The following PELI2 variants were observed in gnomAD, a reference collection of about 807,000 sequenced individuals.
The protein encoded by PELI2 is E3 ubiquitin-protein ligase pellino homolog 2.
Under a neutral mutation model 42.3 loss-of-function variants are expected in PELI2, and 23 were observed. The observed-to-expected ratio is 0.54, with a 90% CI of 0.39 to 0.77. The LOEUF is 0.77. Among genes scored for constraint, PELI2 ranks in the 30% least tolerant of loss-of-function variants. The probability of loss-of-function intolerance (pLI) is 0.00; values close to 1 mark genes in which losing one functional copy is unlikely to be tolerated. For synonymous variants in PELI2, 245 were observed against 212.2 expected (o/e 1.15, Z -1.34); for missense variants, 463 against 553.2 (o/e 0.84, Z 1.64).
At chr14:56,275,838 C>A (rs1889274107) in intron 2 of PELI2, among the ~76,000 whole-genome samples, 1 of 152,126 alleles carries the variant, frequency 6.6e-6, no homozygotes, top group African/African-American at 2.4e-5. Flanking sequence ...TGTTAAAGAG[C>A]TTTCTAAATT....
chr14:56,278,991 A>G (rs1486457173), intron 2 of PELI2, among the ~76,000 whole-genome samples: 5 of 152,194 alleles, frequency 3.3e-5, no homozygotes, highest in African/African-American at 7.2e-5. Flanking sequence ...TATGGACAAA[A>G]TAAGAATGAT....
chr14:56,169,995 G>C (rs1299621394), intron 1 of PELI2, among the ~76,000 whole-genome samples: 3 of 152,170 alleles, frequency 2.0e-5, no homozygotes, highest in Non-Finnish European at 4.4e-5. Context: ...AGTGAGTTAG[G>C]GTGAGCTACC....
chr14:56,233,376 A>C (rs1402849636), intron 2 of PELI2, among the ~76,000 whole-genome samples: 1 of 152,222 alleles, frequency 6.6e-6, no homozygotes, highest in Non-Finnish European at 1.5e-5. Context: ...TACAGTAACC[A>C]AAACAGCTTG....
chr14:56,176,444 G>A (rs1371411914), intron 1 of PELI2, among the ~76,000 whole-genome samples: 3 of 152,174 alleles, frequency 2.0e-5, no homozygotes, highest in Non-Finnish European at 4.4e-5. Flanking sequence ...GCGGTGGGTT[G>A]AGCGGGAGAA....
chr14:56,157,732 C>T (rs1391516611), intron 1 of PELI2, among the ~76,000 whole-genome samples: 1 of 152,148 alleles, frequency 6.6e-6, no homozygotes, highest in Non-Finnish European at 1.5e-5. Context: ...TTGAAAAATT[C>T]TCTAAGCATA....
At chr14:56,245,892 A>G (rs145473226) in intron 2 of PELI2, among the ~76,000 whole-genome samples, 8 of 152,332 alleles carry the variant, frequency 5.3e-5, no homozygotes, top group African/African-American at 1.9e-4. Context: ...ATGTATTAAT[A>G]CATATATTAT....
At chr14:56,277,754 A>C (rs1255142545) in intron 2 of PELI2, among the ~76,000 whole-genome samples, 1 of 152,026 alleles carries the variant, frequency 6.6e-6, no homozygotes, top group African/African-American at 2.4e-5. Context: ...AAATACTTAA[A>C]TGTTAAAATA....
intron 1 of PELI2, among the ~76,000 whole-genome samples, chr14:56,125,917 A>G (rs184856229): frequency 2.7e-4 from 41 of 152,246 alleles, no homozygotes; most frequent in African/African-American, 8.2e-4. Context: ...TTGCCACCCC[A>G]CATGGAGATG....
At chr14:56,262,610 G>A (rs1888749737) in intron 2 of PELI2, among the ~76,000 whole-genome samples, 1 of 152,142 alleles carries the variant, frequency 6.6e-6, no homozygotes, top group South Asian at 2.1e-4. Flanking sequence ...ACAATGTGAA[G>A]TAACATTTAA....
intron 1 of PELI2, among the ~76,000 whole-genome samples, chr14:56,170,279 A>G (rs1488116309): frequency 6.6e-6 from 1 of 152,208 alleles, no homozygotes; most frequent in Non-Finnish European, 1.5e-5. Context: ...CTTCCATTCC[A>G]TGTGGATGTC....
chr14:56,267,832 T>A (rs1888961724), intron 2 of PELI2, among the ~76,000 whole-genome samples: 1 of 152,196 alleles, frequency 6.6e-6, no homozygotes. Context: ...TCACTATAAC[T>A]AATCAATAGG....
At chr14:56,231,197 A>G (rs1177969830) in intron 2 of PELI2, among the ~76,000 whole-genome samples, 3 of 152,226 alleles carry the variant, frequency 2.0e-5, no homozygotes, top group African/African-American at 7.2e-5. Context: ...TAGACAGATC[A>G]ACGAGACAGA....
At chr14:56,206,975 A>T (rs1368716443) in intron 2 of PELI2, among the ~76,000 whole-genome samples, 1 of 152,236 alleles carries the variant, frequency 6.6e-6, no homozygotes, top group African/African-American at 2.4e-5. Context: ...CAAGTTATCA[A>T]ATAAAGGTTC....
At chr14:56,177,619 G>A (rs1256063891) in intron 1 of PELI2, among the ~76,000 whole-genome samples, 1 of 152,108 alleles carries the variant, frequency 6.6e-6, no homozygotes, top group Non-Finnish European at 1.5e-5. Flanking sequence ...TTAAGCACTG[G>A]TATTAGCTAA....
chr14:56,252,586 A>T (rs924667728), intron 2 of PELI2, among the ~76,000 whole-genome samples: 4 of 152,152 alleles, frequency 2.6e-5, no homozygotes, highest in African/African-American at 9.7e-5. Context: ...AAGGAGCAGG[A>T]AGTTTAGTAG....
rs1402927493 is a variant in PELI2, at chr14:56,180,967, T to C, written c.207+2503T>C. 2.6e-5 allele frequency among the ~76,000 whole-genome samples: 4 copies of C among 152,232 alleles called. No individual in the cohort carries two copies. Among genetic ancestry groups the C allele is most frequent in the African/African-American group, 9.6e-5 (4 of 41,460 alleles). On this transcript the variant is annotated intron_variant, in intron 2 of 5. Transcript: ENST00000267460. This position sits in a 1 kb window ranked among gnomAD's most constrained non-coding sequence, Gnocchi z 4.4. ...CTCTTTTGTTATTTTTTCCATCTTA[T>C]GTTTGTGGAACATATTTCAGTGACT...
At chr14:56,194,671 C>G (rs558859921) in intron 2 of PELI2, among the ~76,000 whole-genome samples, 2 of 152,194 alleles carry the variant, frequency 1.3e-5, no homozygotes, top group Non-Finnish European at 2.9e-5. Flanking sequence ...CCCTTCACCC[C>G]GCTGAAAAGC....
In PELI2 at chr14:56,118,553, G is replaced by C. The variant is rs1373997523; in HGVS notation, c.-108G>C. The C allele has an allele frequency of 4.8e-6, 3 of 630,060 alleles. No individual in the cohort carries two copies. Among genetic ancestry groups the C allele is most frequent in the Non-Finnish European group, 6.9e-6 (3 of 433,820 alleles). The allele number at this position is 630,060 out of a possible 1,614,324, so 39.0% of individuals were successfully genotyped here. On this transcript the variant is annotated 5_prime_UTR_variant, in exon 1 of 6. Coordinates refer to ENST00000267460, the MANE Select transcript of PELI2 (RefSeq NM_021255.3). ...CTTCGCCGCCGTGCCCTTCCCCGGC[G>C]CGCTCACCCCGTTCTCGGGATGGGA...
At position 56,169,032 on chromosome 14, in the gene PELI2, C is replaced by T. The variant is rs117867229; in HGVS notation, c.78-9303C>T. ...TGACTGGTGCCCTATCCTGCTGCGGCTCAGCTGTTATCCAAGATGCAAGAC... is the reference window on the plus strand; with the variant it reads ...TGACTGGTGCCCTATCCTGCTGCGGTTCAGCTGTTATCCAAGATGCAAGAC... On this transcript the variant is annotated intron_variant, in intron 1 of 5. Transcript: ENST00000267460. 8.6e-3 allele frequency among the ~76,000 whole-genome samples: 1,306 copies of T among 152,212 alleles called. 16 individuals are homozygous for T. The highest frequency in any genetic ancestry group is 0.08 in the East Asian group (411 of 5,146).
Sources: allele counts gnomAD v4.1 joint callset (sites outside exome capture counted in the v4.1 genomes callset), GRCh38; gene constraint gnomAD v4.1.1; non-coding constraint Gnocchi (gnomAD v3.1); transcripts MANE v1.5; gene names NCBI Gene and HGNC (gene_info 2026-07-23, HGNC 2026-07-21).